Variants in KCNH1 observed in about 807,000 individuals in gnomAD.
KCNH1 encodes voltage-gated delayed rectifier potassium channel KCNH1.
Under a neutral mutation model 69.2 loss-of-function variants are expected in KCNH1, and 27 were observed. That is an observed-to-expected ratio of 0.39 (90% CI 0.29 to 0.54). KCNH1 has a LOEUF of 0.54. KCNH1 is among the 20% of genes least tolerant of loss of function. The pLI is 0.68. For synonymous variants in KCNH1, 456 were observed against 487.7 expected, an observed-to-expected ratio of 0.93 and a Z score of 0.86; for missense variants, 798 against 1,261.6, an observed-to-expected ratio of 0.63 and a Z score of 5.57.
intron 7 of KCNH1, among the ~76,000 whole-genome samples, chr1:210,845,381 T>A (rs1364328202): frequency 0.02 from 2,207 of 110,694 alleles, no homozygotes; most frequent in South Asian, 0.026. Context: ...TTATCCACCA[T>A]GATCAAGTGG....
At chr1:210,829,309 G>C (rs895960186) in intron 7 of KCNH1, among the ~76,000 whole-genome samples, 10 of 152,096 alleles carry the variant, frequency 6.6e-5, no homozygotes, top group African/African-American at 2.4e-4. Context: ...TTTCCCTATG[G>C]TAAGTTCTAG....
chr1:210,726,751 C>A (rs1302833198), intron 10 of KCNH1, among the ~76,000 whole-genome samples: 1 of 152,120 alleles, frequency 6.6e-6, no homozygotes, highest in Non-Finnish European at 1.5e-5. Flanking sequence ...GTAGTGAACC[C>A]CAAACAGGGT....
intron 6 of KCNH1, among the ~76,000 whole-genome samples, chr1:210,937,765 T>C (rs1361384095): frequency 6.6e-6 from 1 of 152,206 alleles, no homozygotes; most frequent in Non-Finnish European, 1.5e-5. Context: ...TTAATAACCT[T>C]TTTTCCTCCT....
At chr1:211,080,226 A>G (rs954900665) in intron 5 of KCNH1, among the ~76,000 whole-genome samples, 1 of 152,230 alleles carries the variant, frequency 6.6e-6, no homozygotes, top group Non-Finnish European at 1.5e-5. Flanking sequence ...CAATTGCTTC[A>G]AAGAGAATAA....
At chr1:210,691,043 A>T (rs895170176) in intron 10 of KCNH1, among the ~76,000 whole-genome samples, 7 of 152,244 alleles carry the variant, frequency 4.6e-5, no homozygotes, top group Non-Finnish European at 1.0e-4. Context: ...CACAGAATAC[A>T]ACTGCTTTCA....
chr1:211,015,356 C>G (rs1335401553), intron 6 of KCNH1, among the ~76,000 whole-genome samples: 1 of 152,188 alleles, frequency 6.6e-6, no homozygotes, highest in Non-Finnish European at 1.5e-5. Context: ...CCCATTATTA[C>G]TGTGATTATA....
chr1:210,719,464 A>G (rs1162732633), intron 10 of KCNH1, among the ~76,000 whole-genome samples: 1 of 152,198 alleles, frequency 6.6e-6, no homozygotes, highest in Non-Finnish European at 1.5e-5. Flanking sequence ...CAAACACCAC[A>G]TGTTCTCACT....
chr1:211,088,954 T>TTATC (rs1271869675), intron 4 of KCNH1, among the ~76,000 whole-genome samples: 5 of 152,176 alleles, frequency 3.3e-5, no homozygotes, highest in Non-Finnish European at 7.3e-5. Flanking sequence ...TCACTCTGAT[T>TTATC]TATCCCTCTT....
Position 210,699,863 on chromosome 1 carries a change from T to C in KCNH1, c.2113-15725A>G, listed in dbSNP as rs554585227. On this transcript the variant is annotated intron_variant, in intron 10 of 10. Coordinates refer to ENST00000271751, the MANE Select transcript of KCNH1 (RefSeq NM_172362.3). ...CAAGGTGTTTGAGGCTACTAAGTGGTAGGGCCGGCTGGAATTTGAACCTAG... is the reference window on the plus strand; with the variant it reads ...CAAGGTGTTTGAGGCTACTAAGTGGCAGGGCCGGCTGGAATTTGAACCTAG... Among the ~76,000 whole-genome samples the C allele has an allele frequency of 3.9e-5, 6 of 152,292 alleles. No homozygotes were observed. In the South Asian group the frequency reaches 1.2e-3, roughly 32 times the overall value.
chr1:210,873,848 C>G (rs1015952272), intron 7 of KCNH1, among the ~76,000 whole-genome samples: 2 of 151,976 alleles, frequency 1.3e-5, no homozygotes, highest in Non-Finnish European at 2.9e-5. Context: ...TTACAATAGA[C>G]AATGAGATAG....
rs539040785 is a variant in KCNH1, at chr1:210,938,020, C to A, written c.1033-17951G>T. ...CCAGGCATTCCTCCTGACCTCAAGA[C>A]CTCTATGGGAATGTCCCTGGAATGA... On this transcript the variant is annotated intron_variant, in intron 6 of 10. Transcript: ENST00000271751. Among the ~76,000 whole-genome samples the A allele has an allele frequency of 9.8e-5, 15 of 152,326 alleles. No homozygotes were observed. The South Asian group carries it at 2.5e-3, about 25-fold the overall frequency.
intron 1 of KCNH1, among the ~76,000 whole-genome samples, chr1:211,115,208 C>T (rs1310683047): frequency 6.6e-6 from 1 of 152,138 alleles, no homozygotes; most frequent in Non-Finnish European, 1.5e-5. Context: ...AGGCAGTTCT[C>T]GAACTCCTAA....
chr1:210,717,198 G>A (rs1682279076), intron 10 of KCNH1, among the ~76,000 whole-genome samples: 1 of 152,114 alleles, frequency 6.6e-6, no homozygotes, highest in Non-Finnish European at 1.5e-5. Flanking sequence ...GAAGAGCTAG[G>A]CCCTCAGCTA....
intron 6 of KCNH1, among the ~76,000 whole-genome samples, chr1:210,941,973 T>C (rs1687884575): frequency 6.6e-6 from 1 of 152,240 alleles, no homozygotes. Flanking sequence ...CTAATCATTC[T>C]AGACTCTTCC....
chr1:210,941,343 G>A (rs1687871962), intron 6 of KCNH1, among the ~76,000 whole-genome samples: 1 of 152,196 alleles, frequency 6.6e-6, no homozygotes, highest in Non-Finnish European at 1.5e-5. Context: ...CTCCAAACAT[G>A]TAGCCTCCTG....
intron 6 of KCNH1, among the ~76,000 whole-genome samples, chr1:210,965,439 C>A (rs1574366264): frequency 6.6e-6 from 1 of 151,368 alleles, no homozygotes; most frequent in Admixed American, 6.6e-5. Context: ...AAATCACAAG[C>A]ATTCTTTCTT....
intron 7 of KCNH1, among the ~76,000 whole-genome samples, chr1:210,886,780 C>A (rs112277789): frequency 6.6e-6 from 1 of 151,258 alleles, no homozygotes; most frequent in Non-Finnish European, 1.5e-5. Context: ...ATCGATCAAG[C>A]GGAAGAAAGG....
At chr1:210,734,009 A>G (rs1682809493) in intron 10 of KCNH1, among the ~76,000 whole-genome samples, 1 of 151,530 alleles carries the variant, frequency 6.6e-6, no homozygotes. Flanking sequence ...AGTCACACTC[A>G]GCTCCCCTAG....
intron 7 of KCNH1, among the ~76,000 whole-genome samples, chr1:210,805,111 TATAGAACTC>T (rs1399727168): frequency 6.6e-6 from 1 of 152,228 alleles, no homozygotes; most frequent in Non-Finnish European, 1.5e-5. Context: ...GACATATTTC[TATAGAACTC>T]ATATTACACC....
Sources: gnomAD v4.1 joint callset for allele counts (sites outside exome capture counted in the v4.1 genomes callset) on GRCh38, gnomAD v4.1.1 for gene constraint, MANE v1.5 for transcripts, NCBI Gene and HGNC (gene_info 2026-07-23, HGNC 2026-07-21) for gene names.